The following CRB1 variants were observed in gnomAD, a reference collection of about 807,000 sequenced individuals.
The protein encoded by CRB1 is protein crumbs homolog 1.
In CRB1, 83 loss-of-function variants were observed where a neutral mutation model predicts 120.0. That is an observed-to-expected ratio of 0.69 (90% CI 0.58 to 0.83). CRB1 has a LOEUF of 0.83. Ranked by LOEUF, CRB1 falls within the 40% of genes least tolerant of loss-of-function variation. CRB1 has a pLI of 0.00. For missense variants in CRB1, 1,699 were observed against 1,687.6 expected, an observed-to-expected ratio of 1.01 and a Z score of -0.12; for synonymous variants, 625 against 612.5, an observed-to-expected ratio of 1.02 and a Z score of -0.30.
At chr1:197,389,896 C>A (rs1662408880) in intron 5 of CRB1, among the ~76,000 whole-genome samples, 1 of 151,996 alleles carries the variant, frequency 6.6e-6, no homozygotes, top group South Asian at 2.1e-4. Flanking sequence ...GCCACTCCAC[C>A]AAACTCCCTG....
At chr1:197,223,239 A>G in the CRB1 span, 424 of 1,055,744 alleles carry the variant, frequency 4.0e-4, 1 homozygote, top group Middle Eastern at 0.011. Flanking sequence ...ACAAACCAGA[A>G]GATTCGAATA....
At chr1:197,212,678 T>C in the CRB1 span, among the ~76,000 whole-genome samples, 2 of 152,200 alleles carry the variant, frequency 1.3e-5, no homozygotes, top group Non-Finnish European at 2.9e-5. Context: ...ATTATACTGA[T>C]GGTTTCATCA....
chr1:197,469,045 C>A (rs555449853), intron 11 of CRB1, among the ~76,000 whole-genome samples: 1 of 152,010 alleles, frequency 6.6e-6, no homozygotes, highest in East Asian at 1.9e-4. Flanking sequence ...AAATGGGACT[C>A]ATTAATAAAG....
chr1:197,461,215 A>G (rs547494187), intron 11 of CRB1, among the ~76,000 whole-genome samples: 1 of 152,274 alleles, frequency 6.6e-6, no homozygotes, highest in East Asian at 1.9e-4. Context: ...CTAAGTAATG[A>G]CATTGAGCTT....
chr1:197,446,185 G>C (rs1042124115), intron 11 of CRB1, among the ~76,000 whole-genome samples: 1 of 102,654 alleles, frequency 9.7e-6, no homozygotes, highest in Admixed American at 1.1e-4. Flanking sequence ...GTGAGACTTT[G>C]TCTCAAAAAA....
the CRB1 span, among the ~76,000 whole-genome samples, chr1:197,215,300 G>T: frequency 7.3e-6 from 1 of 137,880 alleles, no homozygotes; most frequent in African/African-American, 2.7e-5. Context: ...TTTTTGAGAC[G>T]CAGTTTCACT....
intron 11 of CRB1, 147 bp from the exon 12 acceptor site, chr1:197,477,513 TCTGA>T: frequency 2.7e-6 from 2 of 734,338 alleles, no homozygotes; most frequent in Non-Finnish European, 5.0e-6. Flanking sequence ...AATAAGAAAA[TCTGA>T]CTTTCTTTTA....
At chr1:197,362,790 A>G (rs948990026) in intron 5 of CRB1, among the ~76,000 whole-genome samples, 19 of 152,182 alleles carry the variant, frequency 1.2e-4, no homozygotes, top group African/African-American at 4.6e-4. Context: ...TGTAAACAGT[A>G]TATCAAACAG....
At chr1:197,366,440 TC>T (rs1355217326) in intron 5 of CRB1, among the ~76,000 whole-genome samples, 4 of 152,234 alleles carry the variant, frequency 2.6e-5, no homozygotes, top group Non-Finnish European at 4.4e-5. Flanking sequence ...TATAAACTGT[TC>T]TTTTTTTGTA....
the CRB1 span, among the ~76,000 whole-genome samples, chr1:197,223,771 A>G: frequency 6.6e-6 from 1 of 152,290 alleles, no homozygotes; most frequent in African/African-American, 2.4e-5. Flanking sequence ...TTATACAGTC[A>G]CTTAGTTTTG....
chr1:197,443,540 T>C (rs1291189587), intron 11 of CRB1: 1 of 151,916 alleles, frequency 6.6e-6, no homozygotes, highest in Non-Finnish European at 1.5e-5. Context: ...CTGTAGTTTA[T>C]ACATAAATTT....
intron 1 of CRB1, among the ~76,000 whole-genome samples, chr1:197,302,959 A>G (rs1656953965): frequency 6.6e-6 from 1 of 152,150 alleles, no homozygotes; most frequent in Non-Finnish European, 1.5e-5. Flanking sequence ...CAAATCACAC[A>G]TATTTCCTGA....
chr1:197,418,306 G>A (rs1256252252), intron 5 of CRB1, among the ~76,000 whole-genome samples: 1 of 152,072 alleles, frequency 6.6e-6, no homozygotes, highest in African/African-American at 2.4e-5. Context: ...AGAATATACT[G>A]TAGTTTACCT....
At chr1:197,461,879 C>G (rs1160023819) in intron 11 of CRB1, among the ~76,000 whole-genome samples, 7 of 152,076 alleles carry the variant, frequency 4.6e-5, no homozygotes, top group Admixed American at 4.6e-4. Context: ...AATTTCAGCA[C>G]CTGCAAAACA....
intron 11 of CRB1, among the ~76,000 whole-genome samples, chr1:197,476,129 C>G (rs565928374): frequency 4.8e-4 from 73 of 152,088 alleles, no homozygotes; most frequent in African/African-American, 1.7e-3. Context: ...AGGCTGGTCT[C>G]GAACTCCTGA....
intron 1 of CRB1, among the ~76,000 whole-genome samples, chr1:197,322,467 A>AATG (rs1658257945): frequency 6.7e-6 from 1 of 149,010 alleles, no homozygotes; most frequent in Non-Finnish European, 1.5e-5. Flanking sequence ...TGTCTCAAAT[A>AATG]ATAATAATAA....
chr1:197,375,702 C>G (rs1382544884), intron 5 of CRB1, among the ~76,000 whole-genome samples: 1 of 152,166 alleles, frequency 6.6e-6, no homozygotes, highest in Non-Finnish European at 1.5e-5. Context: ...CCTGTTCATT[C>G]TCTATGATTC....
intron 5 of CRB1, among the ~76,000 whole-genome samples, chr1:197,402,714 T>A (rs952687131): frequency 6.6e-6 from 1 of 152,194 alleles, no homozygotes; most frequent in Non-Finnish European, 1.5e-5. Flanking sequence ...CAGATGCAGT[T>A]TTAAAATTTT....
chr1:197,404,235 A>G (rs1663214663), intron 5 of CRB1, among the ~76,000 whole-genome samples: 1 of 152,152 alleles, frequency 6.6e-6, no homozygotes, highest in South Asian at 2.1e-4. Context: ...GTGCAGACCC[A>G]GGGCTCTGAG....
Sources: gnomAD v4.1 joint callset for allele counts (sites outside exome capture counted in the v4.1 genomes callset) on GRCh38, gnomAD v4.1.1 for gene constraint, MANE v1.5 for transcripts, NCBI Gene and HGNC (gene_info 2026-07-23, HGNC 2026-07-21) for gene names.